CWC27: variants seen among roughly 807,000 people sequenced by gnomAD.
The protein encoded by CWC27 is CWC27 spliceosome associated cyclophilin.
In CWC27, 47 loss-of-function variants were observed where a neutral mutation model predicts 63.6. That is an observed-to-expected ratio of 0.74 (90% CI 0.58 to 0.94). The LOEUF is 0.94. Among genes scored for constraint, CWC27 ranks in the 40% least tolerant of loss-of-function variants. CWC27 has a pLI of 0.00. For missense variants in CWC27, 495 were observed against 554.3 expected (o/e 0.89, Z 1.07); for synonymous variants, 175 against 179.8 (o/e 0.97, Z 0.22).
In CWC27 at chr5:64,774,676, A is replaced by C; in HGVS notation, c.43-15A>C. 1 of 1,437,108 alleles carries C rather than the reference A, an allele frequency of 7.0e-7. No homozygotes were observed. Among genetic ancestry groups the C allele is most frequent in the Non-Finnish European group, 9.5e-7 (1 of 1,056,768 alleles). 89.0% of individuals were successfully genotyped at this position (1,437,108 alleles called of 1,614,324 possible). On this transcript the variant is annotated splice_polypyrimidine_tract_variant and intron_variant, in intron 1 of 13. Coordinates refer to ENST00000381070, the MANE Select transcript of CWC27 (RefSeq NM_005869.4). ...CAAAATAATAATTTAATAAAATGTA[A>C]TATTCTTTCTACAGGTTTTATTGAA...
At chr5:64,865,050 G>C (rs890515087) in intron 10 of CWC27, among the ~76,000 whole-genome samples, 6 of 151,514 alleles carry the variant, frequency 4.0e-5, no homozygotes, top group African/African-American at 1.5e-4. Context: ...TTTTGAAATA[G>C]TTATTCCACA....
intron 7 of CWC27, among the ~76,000 whole-genome samples, chr5:64,796,274 A>G (rs1744262395): frequency 6.6e-6 from 1 of 152,152 alleles, no homozygotes; most frequent in East Asian, 1.9e-4. Flanking sequence ...AGATCCATTT[A>G]TCTATTAATC....
chr5:64,806,953 T>C (rs990161339), intron 10 of CWC27, among the ~76,000 whole-genome samples: 1 of 152,200 alleles, frequency 6.6e-6, no homozygotes, highest in African/African-American at 2.4e-5. Context: ...GCTCCAAATG[T>C]ACTGAAAAAC....
intron 10 of CWC27, among the ~76,000 whole-genome samples, chr5:64,868,677 T>C (rs1561440675): frequency 6.6e-6 from 1 of 152,076 alleles, no homozygotes; most frequent in Non-Finnish European, 1.5e-5. Context: ...CTATATTCCA[T>C]TGAAACTGCT....
At chr5:64,919,961 T>C (rs1360273305) in intron 11 of CWC27, among the ~76,000 whole-genome samples, 1 of 152,224 alleles carries the variant, frequency 6.6e-6, no homozygotes, top group Non-Finnish European at 1.5e-5. Context: ...GTAGTTCTGT[T>C]TTAAGTTCTT....
chr5:64,938,059 A>G (rs990364780), intron 11 of CWC27, among the ~76,000 whole-genome samples: 12 of 151,078 alleles, frequency 7.9e-5, no homozygotes, highest in Admixed American at 5.9e-4. Context: ...TCTTTATCCA[A>G]TTTGCCCATC....
At chr5:64,806,790 T>C (rs1744690168) in intron 10 of CWC27, among the ~76,000 whole-genome samples, 1 of 152,112 alleles carries the variant, frequency 6.6e-6, no homozygotes, top group African/African-American at 2.4e-5. Context: ...TGCAGTGAGC[T>C]ATGATCCTGT....
In CWC27 at chr5:64,789,448, ATAT is replaced by A. The variant is rs1311778613; in HGVS notation, c.669+435_669+437del. 3.3e-5 allele frequency among the ~76,000 whole-genome samples: 5 copies of A among 152,082 alleles called. No individual in the cohort carries two copies. In the East Asian group the frequency reaches 7.7e-4, roughly 23 times the overall value. ...TCATTACAGCCCTTTGAGATGGGTGATATTATTATCATCCTCATTTTACTCATG... is the reference window on the plus strand; with the variant it reads ...TCATTACAGCCCTTTGAGATGGGTGATATTATCATCCTCATTTTACTCATG... On this transcript the variant is annotated intron_variant, in intron 7 of 13. Transcript: ENST00000381070.
In CWC27 at chr5:64,916,885, TTAGTAG is replaced by T. The variant is rs56214406; in HGVS notation, c.1042+31379_1042+31384del. Among the ~76,000 whole-genome samples the T allele has an allele frequency of 7.5e-3, 1,081 of 144,018 alleles. 6 individuals carry two copies. The highest frequency in any genetic ancestry group is 0.041 in the South Asian group (185 of 4,516). 94.5% of individuals were successfully genotyped at this position (144,018 alleles called of 152,430 possible). A position where few individuals can be genotyped will look rare whatever the true frequency, so the allele number is the denominator to read the frequency against. On this transcript the variant is annotated intron_variant, in intron 11 of 13. Coordinates refer to ENST00000381070, the MANE Select transcript of CWC27 (RefSeq NM_005869.4). ...GTAACTTTTGGTGGCAGTAGTAGTA[TTAGTAG>T]TAGTAGTAGTAGTAGTAGTAGTAGT...
At chr5:65,000,814 T>C (rs1407222811) in intron 13 of CWC27, among the ~76,000 whole-genome samples, 1 of 152,164 alleles carries the variant, frequency 6.6e-6, no homozygotes, top group Non-Finnish European at 1.5e-5. Flanking sequence ...TTTGGTGTCT[T>C]TTGTAATTCC....
At chr5:64,991,577 T>C (rs1749536655) in intron 13 of CWC27, among the ~76,000 whole-genome samples, 2 of 151,926 alleles carry the variant, frequency 1.3e-5, no homozygotes, top group African/African-American at 4.8e-5. Context: ...AGATTTAAAA[T>C]TAGCTAGGTG....
intron 11 of CWC27, among the ~76,000 whole-genome samples, chr5:64,941,060 G>A (rs1372745169): frequency 6.6e-6 from 1 of 151,684 alleles, no homozygotes; most frequent in African/African-American, 2.4e-5. Context: ...TGGCCAGGCT[G>A]GTCTTGAACT....
intron 11 of CWC27, among the ~76,000 whole-genome samples, chr5:64,962,985 C>A (rs1373142797): frequency 6.6e-6 from 1 of 152,202 alleles, no homozygotes; most frequent in Non-Finnish European, 1.5e-5. Context: ...GAGACAGAGT[C>A]TCTCTCTGTT....
At chr5:64,970,055 G>A (rs909682327) in intron 11 of CWC27, among the ~76,000 whole-genome samples, 4 of 152,136 alleles carry the variant, frequency 2.6e-5, no homozygotes, top group Non-Finnish European at 4.4e-5. Flanking sequence ...CTTGAGAGAC[G>A]TAACTGGAAA....
intron 10 of CWC27, among the ~76,000 whole-genome samples, chr5:64,818,162 T>C (rs923681672): frequency 6.6e-6 from 1 of 152,138 alleles, no homozygotes; most frequent in Admixed American, 6.6e-5. Context: ...CAAAGGCAGA[T>C]GTTAATTGGC....
intron 5 of CWC27, 25 bp downstream of exon 5, chr5:64,785,604 A>G: frequency 1.5e-6 from 2 of 1,364,648 alleles, no homozygotes; most frequent in Non-Finnish European, 1.0e-6. Context: ...ATTACGAGAT[A>G]CAGCACTTAC....
At chr5:64,862,597 A>C (rs1000075203) in intron 10 of CWC27, among the ~76,000 whole-genome samples, 25 of 152,158 alleles carry the variant, frequency 1.6e-4, no homozygotes, top group African/African-American at 6.0e-4. Context: ...ATAATCATCT[A>C]ATACCCAGCC....
chr5:64,866,420 A>C (rs1161537145), intron 10 of CWC27, among the ~76,000 whole-genome samples: 1 of 152,136 alleles, frequency 6.6e-6, no homozygotes, highest in African/African-American at 2.4e-5. Context: ...TTGATGACTT[A>C]TGTTTTACCT....
chr5:64,853,554 T>C (rs909846626), intron 10 of CWC27, among the ~76,000 whole-genome samples: 1 of 152,190 alleles, frequency 6.6e-6, no homozygotes, highest in Non-Finnish European at 1.5e-5. Flanking sequence ...GGGTAAGTAA[T>C]GTCTAAGGAA....
Sources: allele counts gnomAD v4.1 joint callset (sites outside exome capture counted in the v4.1 genomes callset), GRCh38; gene constraint gnomAD v4.1.1; transcripts MANE v1.5; gene names NCBI Gene and HGNC (gene_info 2026-07-23, HGNC 2026-07-21).